Variants in BMPR1B observed in about 807,000 individuals in gnomAD.
BMPR1B encodes the protein bone morphogenetic protein receptor type 1B.
A neutral mutation model predicts 59.1 loss-of-function variants in BMPR1B; 12 were observed. The ratio of observed to expected loss-of-function variants is 0.20; its 90% CI spans 0.13 to 0.33. The LOEUF (loss-of-function observed/expected upper bound fraction) is 0.33, where lower values mean the gene tolerates loss of function less well. Ranked by LOEUF, BMPR1B falls within the 10% of genes least tolerant of loss-of-function variation. The pLI is 1.00. For synonymous variants in BMPR1B, 237 were observed against 207.3 expected, an observed-to-expected ratio of 1.14 and a Z score of -1.23; for missense variants, 550 against 610.9, an observed-to-expected ratio of 0.90 and a Z score of 1.05.
In BMPR1B at chr4:94,873,660, G is replaced by A. The variant is rs188706226; in HGVS notation, c.-182-2171G>A. On this transcript the variant is annotated intron_variant, in intron 1 of 12. Transcript: ENST00000515059. ...CCTGACCTTGTGATCTGCCCACCTC[G>A]CCCTCCCAAAGTGCTGGGATTACAG... Among the ~76,000 whole-genome samples the A allele has an allele frequency of 3.8e-3, 575 of 152,144 alleles. 2 individuals are homozygous for A. Among genetic ancestry groups the A allele is most frequent in the Middle Eastern group, 0.031 (9 of 292 alleles).
intron 1 of BMPR1B, among the ~76,000 whole-genome samples, chr4:94,816,712 A>T (rs1578677177): frequency 6.6e-6 from 1 of 152,198 alleles, no homozygotes; most frequent in Non-Finnish European, 1.5e-5. Context: ...TTATCTTCTA[A>T]AAAGTGAATT....
chr4:95,063,136 T>TA (rs1443952605), intron 3 of BMPR1B, among the ~76,000 whole-genome samples: 1 of 151,928 alleles, frequency 6.6e-6, no homozygotes, highest in African/African-American at 2.4e-5. Flanking sequence ...CTCAAAATAA[T>TA]AAAAAAAGAT....
At chr4:95,060,068 G>A (rs1037715952) in intron 3 of BMPR1B, among the ~76,000 whole-genome samples, 1 of 152,110 alleles carries the variant, frequency 6.6e-6, no homozygotes, top group Admixed American at 6.5e-5. Flanking sequence ...TCAGAAACAC[G>A]GAGTCTGCAG....
chr4:94,840,465 T>G (rs1725011726), intron 1 of BMPR1B, among the ~76,000 whole-genome samples: 1 of 147,352 alleles, frequency 6.8e-6, no homozygotes. Context: ...TCATTTCTTT[T>G]TATTCTTTTT....
chr4:94,801,961 A>G (rs1723422931), intron 1 of BMPR1B, among the ~76,000 whole-genome samples: 3 of 152,252 alleles, frequency 2.0e-5, no homozygotes, highest in Non-Finnish European at 4.4e-5. Flanking sequence ...TGTGTAAACA[A>G]AAGAATTATT....
chr4:94,903,303 A>C (rs1233392741), intron 2 of BMPR1B, among the ~76,000 whole-genome samples: 3 of 151,856 alleles, frequency 2.0e-5, no homozygotes, highest in Non-Finnish European at 2.9e-5. Flanking sequence ...AGTTTAGTTA[A>C]GTTTAGTATT....
chr4:94,902,265 G>C (rs1047727747), intron 2 of BMPR1B, among the ~76,000 whole-genome samples: 4,356 of 118,804 alleles, frequency 0.037, 112 homozygotes, highest in African/African-American at 0.11. Flanking sequence ...GAGAGAGAGA[G>C]AGAGAGAGAG....
intron 10 of BMPR1B, among the ~76,000 whole-genome samples, chr4:95,143,788 C>T (rs1734427918): frequency 6.6e-6 from 1 of 152,170 alleles, no homozygotes; most frequent in South Asian, 2.1e-4. Context: ...GGGAACTCAG[C>T]ATTATTCACT....
intron 1 of BMPR1B, among the ~76,000 whole-genome samples, chr4:94,758,898 C>T (rs1474070603): frequency 6.7e-6 from 1 of 148,250 alleles, no homozygotes; most frequent in African/African-American, 2.5e-5. Flanking sequence ...ATCCTCTTCC[C>T]TCTGTCACTT....
At position 95,043,002 on chromosome 4, in the gene BMPR1B, C is replaced by T. The variant is rs1458096892; in HGVS notation, c.-18+46868C>T. ...CATCCTGGCTAACAAGGTGAAACCC[C>T]GTCTCTACTAAAAATACAAAAAATT... On this transcript the variant is annotated intron_variant, in intron 3 of 12. Transcript: ENST00000515059. Among the ~76,000 whole-genome samples the T allele has an allele frequency of 4.0e-5, 6 of 150,270 alleles. No homozygotes were observed. In the East Asian group the frequency reaches 9.8e-4, roughly 25 times the overall value.
chr4:94,991,233 T>G (rs1721735301), intron 2 of BMPR1B, among the ~76,000 whole-genome samples: 1 of 152,248 alleles, frequency 6.6e-6, no homozygotes, highest in African/African-American at 2.4e-5. Context: ...TTCCTTGACC[T>G]ACTTTGTAAA....
At chr4:94,827,508 C>T (rs1189289924) in intron 1 of BMPR1B, among the ~76,000 whole-genome samples, 1 of 152,106 alleles carries the variant, frequency 6.6e-6, no homozygotes. Context: ...TATGGAATAT[C>T]TCTAGTTTGG....
chr4:94,891,523 A>G (rs928269055), intron 2 of BMPR1B, among the ~76,000 whole-genome samples: 7 of 152,104 alleles, frequency 4.6e-5, no homozygotes, highest in Non-Finnish European at 7.4e-5. Context: ...GTTAACAGTG[A>G]TCTTTTCGGT....
intron 3 of BMPR1B, among the ~76,000 whole-genome samples, chr4:95,067,093 T>C (rs1727869004): frequency 6.6e-6 from 1 of 152,188 alleles, no homozygotes; most frequent in Admixed American, 6.5e-5. Context: ...TGTTGAATGA[T>C]TTAATAGAAC....
intron 1 of BMPR1B, among the ~76,000 whole-genome samples, chr4:94,786,823 C>T (rs564775532): frequency 1.4e-4 from 21 of 152,144 alleles, no homozygotes; most frequent in Admixed American, 7.9e-4. Context: ...GGATTACAGG[C>T]GTGAGCCATC....
intron 6 of BMPR1B, among the ~76,000 whole-genome samples, chr4:95,120,437 A>AAAT (rs1236988556): frequency 6.6e-6 from 1 of 152,190 alleles, no homozygotes; most frequent in Non-Finnish European, 1.5e-5. Context: ...CCAGAGAAAG[A>AAAT]AATAAAAGGC....
intron 3 of BMPR1B, among the ~76,000 whole-genome samples, chr4:95,086,046 T>C (rs1729549513): frequency 6.6e-6 from 1 of 152,072 alleles, no homozygotes; most frequent in African/African-American, 2.4e-5. Context: ...CAAAATCTTT[T>C]GAATGAATGT....
chr4:95,084,480 C>T (rs1579051444), intron 3 of BMPR1B, among the ~76,000 whole-genome samples: 4 of 151,952 alleles, frequency 2.6e-5, no homozygotes, highest in African/African-American at 7.2e-5. Flanking sequence ...GGTTAGATGC[C>T]CTTTTCTCAA....
chr4:95,024,325 G>T (rs900659316), intron 3 of BMPR1B, among the ~76,000 whole-genome samples: 1 of 152,118 alleles, frequency 6.6e-6, no homozygotes, highest in African/African-American at 2.4e-5. Flanking sequence ...CGTATTTCAG[G>T]TTAAAATTTC....
Sources: allele counts gnomAD v4.1 joint callset (sites outside exome capture counted in the v4.1 genomes callset), GRCh38; gene constraint gnomAD v4.1.1; transcripts MANE v1.5; gene names NCBI Gene and HGNC (gene_info 2026-07-23, HGNC 2026-07-21).